KIAA1210: variants seen among roughly 807,000 people sequenced by gnomAD.
The protein encoded by KIAA1210 is KIAA1210.
In KIAA1210, 48 loss-of-function variants were observed where a neutral mutation model predicts 78.9. That is an observed-to-expected ratio of 0.61 (90% CI 0.48 to 0.77). KIAA1210 has a LOEUF of 0.77. KIAA1210 is among the 30% of genes least tolerant of loss of function. The probability of loss-of-function intolerance (pLI) is 0.00; values close to 1 mark genes in which losing one functional copy is unlikely to be tolerated. For synonymous variants in KIAA1210, 406 were observed against 404.5 expected (o/e 1.00, Z -0.04); for missense variants, 1,108 against 1,100.0 (o/e 1.01, Z -0.10).
chrX:119,150,522 C>T (rs769821548), exon 1 of KIAA1210: 2 of 1,210,647 alleles, frequency 1.7e-6, no homozygotes, highest in Non-Finnish European at 1.1e-6. Flanking sequence ...GGGTGCCGGC[C>T]AGGAAGGAGA....
intron 2 of KIAA1210, among the ~76,000 whole-genome samples, chrX:119,145,245 G>A (rs1319341105): frequency 1.8e-5 from 2 of 110,566 alleles, no homozygotes; most frequent in African/African-American, 3.3e-5. Context: ...TCATAATCTC[G>A]GCATGATTGA....
At chrX:119,095,580 G>C (rs780026698) in intron 7 of KIAA1210, among the ~76,000 whole-genome samples, 18 of 110,887 alleles carry the variant, frequency 1.6e-4, no homozygotes, top group Admixed American at 5.8e-4. Context: ...TAGAGACGGG[G>C]TTTCTGCATG....
In KIAA1210 at chrX:119,089,451, G is replaced by A. The variant is rs763322778; in HGVS notation, c.1251C>T (p.Asn417=). The A allele has an allele frequency of 2.5e-6, 3 of 1,210,419 alleles. No homozygotes were observed. In the African/African-American group the frequency reaches 5.2e-5, roughly 21 times the overall value. ...GTTGTGAAGTTGTAGGCTGCTCCAT[G>A]TTGTCCTTCTCTAAGGACAAGTGCG... The part of the protein sequence containing the change: ...PFSHLSLEKD[N]MEQPTTSQPE... The change falls in exon 9 of 12, where the codon AAC becomes AAT. Residue 417 remains asparagine, a synonymous_variant. Coordinates refer to ENST00000691062, the MANE Select transcript of KIAA1210 (RefSeq NM_001394962.1).
At chrX:119,144,675 T>C (rs780622987) in intron 2 of KIAA1210, among the ~76,000 whole-genome samples, 1 of 112,165 alleles carries the variant, frequency 8.9e-6, no homozygotes, top group South Asian at 3.8e-4. Flanking sequence ...ACTTACATGA[T>C]GACAATTACT....
chrX:119,128,585 T>G (rs1928707985), upstream of KIAA1210, among the ~76,000 whole-genome samples: 1 of 112,087 alleles, frequency 8.9e-6, no homozygotes, highest in Non-Finnish European at 1.9e-5. Context: ...CATCCAATGT[T>G]ACTTCCCCCA....
At chrX:119,129,435 A>G (rs5957116), upstream of KIAA1210, among the ~76,000 whole-genome samples, 1,931 of 111,027 alleles carry the variant, frequency 0.017, 48 homozygotes, top group African/African-American at 0.06. Context: ...TAGTGATTAT[A>G]TGTTGAAATA....
intron 2 of KIAA1210, among the ~76,000 whole-genome samples, chrX:119,118,848 G>A (rs1928356692): frequency 8.9e-6 from 1 of 112,389 alleles, no homozygotes; most frequent in South Asian, 3.7e-4. Flanking sequence ...ACCATGTTCT[G>A]GGTATCCGTG....
intron 6 of KIAA1210, among the ~76,000 whole-genome samples, chrX:119,102,906 T>G (rs1467120217): frequency 8.9e-6 from 1 of 112,220 alleles, no homozygotes; most frequent in Non-Finnish European, 1.9e-5. Flanking sequence ...GATTGCTTCT[T>G]CTGATGTAAA....
chrX:119,102,546 A>T (rs969064258), intron 6 of KIAA1210, among the ~76,000 whole-genome samples: 4 of 101,864 alleles, frequency 3.9e-5, no homozygotes, highest in Admixed American at 3.2e-4. Context: ...AGATTGCTTT[A>T]AAAAAAAAAA....
intron 2 of KIAA1210, among the ~76,000 whole-genome samples, chrX:119,121,029 C>T (rs1304340348): frequency 9.0e-6 from 1 of 111,257 alleles, no homozygotes; most frequent in Non-Finnish European, 1.9e-5. Flanking sequence ...TCCAACACCC[C>T]CCACCCCCAC....
At position 119,098,604 on chromosome X, in the gene KIAA1210, C is replaced by CAAA. The variant is rs747325732; in HGVS notation, c.649-1916_649-1914dup. Among the ~76,000 whole-genome samples the CAAA allele has an allele frequency of 1.9e-3, 75 of 39,797 alleles. 2 individuals are homozygous for CAAA. The highest frequency in any genetic ancestry group is 6.3e-3 in the African/African-American group (72 of 11,454). 34.6% of individuals were successfully genotyped at this position (39,797 alleles called of 115,157 possible). A position where few individuals can be genotyped will look rare whatever the true frequency, so the allele number is the denominator to read the frequency against. ...TGGGCGACAAAGCGAGAGACTCCGT[C>CAAA]AAAAAAAAAAAAAAAAAAAAAAGGC... On this transcript the variant is annotated intron_variant, in intron 6 of 11. Coordinates refer to ENST00000691062, the MANE Select transcript of KIAA1210 (RefSeq NM_001394962.1).
chrX:119,114,337 C>T (rs1004640430), intron 3 of KIAA1210, among the ~76,000 whole-genome samples: 28 of 112,059 alleles, frequency 2.5e-4, no homozygotes, highest in African/African-American at 8.4e-4. Context: ...CTCCTACTTA[C>T]CTTTTCCCTA....
chrX:119,150,202 A>C (rs1929259947), intron 1 of KIAA1210: 4 of 959,301 alleles, frequency 4.2e-6, no homozygotes, highest in Middle Eastern at 6.6e-4. Context: ...TTATATAAAC[A>C]TCACCCTTGT....
intron 9 of KIAA1210, 83 bp from the exon 10 acceptor site, chrX:119,085,629 C>CCCA: frequency 1.2e-6 from 1 of 862,663 alleles, no homozygotes; most frequent in South Asian, 2.8e-5. Flanking sequence ...ACAATAATAT[C>CCCA]CCAAATGGGA....
At chrX:119,094,602 A>G (rs146598573) in intron 7 of KIAA1210, among the ~76,000 whole-genome samples, 1,631 of 112,204 alleles carry the variant, frequency 0.015, 30 homozygotes, top group African/African-American at 0.049. Flanking sequence ...GACCTTGGGC[A>G]AGTTATTCTC....
chrX:119,122,490 C>A, intron 2 of KIAA1210, among the ~76,000 whole-genome samples: 1 of 112,206 alleles, frequency 8.9e-6, no homozygotes, highest in Non-Finnish European at 1.9e-5. Flanking sequence ...TTTGGTCTTA[C>A]AAAAAACAAA....
At position 119,087,150 on chromosome X, in the gene KIAA1210, G is replaced by T. The variant is rs748409844; in HGVS notation, c.3552C>A (p.Ser1184Arg). 6 of 1,211,461 alleles carry T rather than the reference G, an allele frequency of 5.0e-6. No individual in the cohort carries two copies. The highest frequency in any genetic ancestry group is 6.7e-6 in the Non-Finnish European group (6 of 895,196). The part of the protein sequence containing the change: ...GPVNVPVKQS[S>R]GEKHLPSSSP... ...TACTTGAAGGCAGGTGCTTCTCACC[G>T]CTGCTCTGCTTTACAGGTACATTCA... is the stretch of plus-strand genomic sequence containing the variant. Residue 1184 changes from serine (S) to arginine (R), a missense_variant, in exon 9 of 12, where the codon AGC (serine) becomes AGA (arginine). This residue lies in a region of KIAA1210 where 245 missense variants were observed against 278.8 expected (regional missense o/e 0.88). Transcript: ENST00000691062.
At chrX:119,102,126 C>T in intron 6 of KIAA1210, among the ~76,000 whole-genome samples, 2 of 112,667 alleles carry the variant, frequency 1.8e-5, no homozygotes, top group Non-Finnish European at 3.7e-5. Context: ...GTCAGGAGTC[C>T]TGGGATCAAG....
At chrX:119,082,668 A>C (rs1927002362) in intron 11 of KIAA1210, among the ~76,000 whole-genome samples, 1 of 112,089 alleles carries the variant, frequency 8.9e-6, no homozygotes, top group Non-Finnish European at 1.9e-5. Flanking sequence ...GTAGAAAGTG[A>C]GAAAATACCG....
Sources: gnomAD v4.1 joint callset for allele counts (sites outside exome capture counted in the v4.1 genomes callset) on GRCh38, gnomAD v4.1.1 for gene constraint, gnomAD v4.1.1 regional missense constraint, MANE v1.5 for transcripts, NCBI Gene and HGNC (gene_info 2026-07-23, HGNC 2026-07-21) for gene names.